IFT74: variants seen among roughly 807,000 people sequenced by gnomAD.
IFT74 encodes intraflagellar transport 74.
In IFT74, 92 loss-of-function variants were observed where a neutral mutation model predicts 96.7. The observed-to-expected ratio is 0.95, with a 90% CI of 0.80 to 1.13. IFT74 has a LOEUF of 1.13. IFT74 is among the 50% of genes most tolerant of loss of function. The pLI is 0.00. For synonymous variants in IFT74, 223 were observed against 213.2 expected, an observed-to-expected ratio of 1.05 and a Z score of -0.40; for missense variants, 811 against 698.2, an observed-to-expected ratio of 1.16 and a Z score of -1.82.
At chr9:27,056,897 T>TAGATAGAC in intron 18 of IFT74, among the ~76,000 whole-genome samples, 1 of 152,160 alleles carries the variant, frequency 6.6e-6, no homozygotes, top group South Asian at 2.1e-4. Context: ...GATAGATAGA[T>TAGATAGAC]AGATAGATAT....
Position 27,056,362 on chromosome 9 carries a change from C to A in IFT74, c.1526C>A (p.Ser509Ter), listed in dbSNP as rs752485664. 6.3e-7 allele frequency: 1 copy of A among 1,587,996 alleles called. No individual in the cohort carries two copies. The highest frequency in any genetic ancestry group is 8.6e-7 in the Non-Finnish European group (1 of 1,162,472). ...KKLHQERMIL[S>*]THRNAFKKIM... Reference sequence around the variant, plus strand: ...TTACATCAGGAGAGAATGATATTATCAACCCACAGAAATGCCTTTAAGAAA... The same window carrying A: ...TTACATCAGGAGAGAATGATATTATAAACCCACAGAAATGCCTTTAAGAAA... Residue 509 changes from serine (S) to a stop codon, truncating the protein, a stop_gained, in exon 18 of 20, where the codon TCA becomes TAA. Coordinates refer to ENST00000380062, the MANE Select transcript of IFT74 (RefSeq NM_025103.4). LOFTEE classifies it high-confidence loss of function.
intron 2 of IFT74, among the ~76,000 whole-genome samples, chr9:26,965,645 A>C (rs1826576427): frequency 6.6e-6 from 1 of 152,066 alleles, no homozygotes. Flanking sequence ...AAAATTTTAA[A>C]ATTTGTATGT....
At chr9:27,050,674 G>A (rs1442137119) in intron 16 of IFT74, among the ~76,000 whole-genome samples, 17 of 141,752 alleles carry the variant, frequency 1.2e-4, no homozygotes, top group Non-Finnish European at 1.5e-5. Flanking sequence ...TTTTGGGTGG[G>A]AATTGAACAA....
intron 18 of IFT74, among the ~76,000 whole-genome samples, chr9:27,056,912 A>C (rs896013508): frequency 2.0e-5 from 3 of 150,714 alleles, no homozygotes; most frequent in Non-Finnish European, 4.4e-5. Flanking sequence ...AGATATGTGT[A>C]TACACATATT....
intron 13 of IFT74, among the ~76,000 whole-genome samples, chr9:27,040,270 G>A (rs1819403519): frequency 6.6e-6 from 1 of 152,126 alleles, no homozygotes; most frequent in South Asian, 2.1e-4. Context: ...AGATATTGAG[G>A]CCAGGTGCAG....
chr9:27,046,301 TA>T (rs1348444803), intron 14 of IFT74, among the ~76,000 whole-genome samples: 3 of 152,172 alleles, frequency 2.0e-5, no homozygotes, highest in Non-Finnish European at 4.4e-5. Context: ...CATATTCAAA[TA>T]AAAAATGTTT....
intron 18 of IFT74, among the ~76,000 whole-genome samples, chr9:27,058,093 CTTTT>C (rs952005404): frequency 8.3e-5 from 12 of 143,908 alleles, no homozygotes; most frequent in African/African-American, 3.0e-4. Flanking sequence ...TTTCAGCCTT[CTTTT>C]TTTTTTTTTC....
intron 13 of IFT74, among the ~76,000 whole-genome samples, chr9:27,035,997 C>T (rs1819162086): frequency 6.6e-6 from 1 of 152,164 alleles, no homozygotes; most frequent in Admixed American, 6.5e-5. Context: ...GGCTGGAAGC[C>T]TTACCAATAA....
intron 10 of IFT74, among the ~76,000 whole-genome samples, chr9:27,016,650 G>T (rs1256251922): frequency 6.6e-6 from 1 of 152,068 alleles, no homozygotes; most frequent in Non-Finnish European, 1.5e-5. Context: ...ACTTATTCAG[G>T]TCTTATATGT....
Position 26,961,935 on chromosome 9 carries a change from T to C in IFT74, c.-19-14T>C. On this transcript the variant is annotated splice_polypyrimidine_tract_variant and intron_variant, in intron 1 of 19. Transcript: ENST00000380062. ...AGACATCAAAGGATTGAACTATTTA[T>C]TGTTTCCAAACAGCGATTAAAGTGA... is the stretch of plus-strand genomic sequence containing the variant. 1 of 1,613,780 alleles carries C rather than the reference T, an allele frequency of 6.2e-7. No homozygotes were observed. The highest frequency in any genetic ancestry group is 8.5e-7 in the Non-Finnish European group (1 of 1,179,710).
chr9:26,999,013 A>G (rs62542667), intron 8 of IFT74, among the ~76,000 whole-genome samples: 1 of 152,060 alleles, frequency 6.6e-6, no homozygotes, highest in Non-Finnish European at 1.5e-5. Flanking sequence ...CAATCAATCA[A>G]TCAGTCTGAA....
intron 14 of IFT74, among the ~76,000 whole-genome samples, chr9:27,045,401 T>C (rs960896549): frequency 6.6e-6 from 1 of 152,212 alleles, no homozygotes; most frequent in African/African-American, 2.4e-5. Context: ...CATTTATTGA[T>C]TGAATGTTCT....
chr9:26,976,112 C>G (rs956006323), intron 2 of IFT74, among the ~76,000 whole-genome samples: 2 of 152,176 alleles, frequency 1.3e-5, no homozygotes, highest in African/African-American at 4.8e-5. Flanking sequence ...TCTCCTTTCC[C>G]CATTGCTGAG....
upstream of IFT74, among the ~76,000 whole-genome samples, chr9:26,953,276 A>G (rs998749405): frequency 3.9e-5 from 6 of 152,328 alleles, no homozygotes; most frequent in East Asian, 5.8e-4. Flanking sequence ...CAATATCAGT[A>G]TACAAGGAGC....
intron 8 of IFT74, chr9:26,993,153 A>G (rs1055454194): frequency 3.3e-5 from 5 of 152,172 alleles, no homozygotes; most frequent in African/African-American, 9.6e-5. Context: ...TTCTTTGTGT[A>G]GTCAGATATT....
chr9:26,988,834 G>A, intron 7 of IFT74, 106 bp downstream of exon 7: 1 of 1,037,798 alleles, frequency 9.6e-7, no homozygotes, highest in Non-Finnish European at 1.3e-6. Context: ...CTATAGAGGT[G>A]AATATTACTC....
At chr9:27,035,014 A>G (rs1049446507) in intron 13 of IFT74, among the ~76,000 whole-genome samples, 1 of 152,232 alleles carries the variant, frequency 6.6e-6, no homozygotes, top group Non-Finnish European at 1.5e-5. Flanking sequence ...ATTAGATTAG[A>G]TAATTAAATA....
At chr9:27,033,507 C>G (rs540006306) in intron 13 of IFT74, among the ~76,000 whole-genome samples, 1 of 148,190 alleles carries the variant, frequency 6.7e-6, no homozygotes, top group African/African-American at 2.5e-5. Flanking sequence ...TGCAGTAAGC[C>G]GAAATCACTC....
chr9:26,952,386 C>T (rs1825962184), upstream of IFT74, among the ~76,000 whole-genome samples: 1 of 151,460 alleles, frequency 6.6e-6, no homozygotes, highest in South Asian at 2.1e-4. Flanking sequence ...AAGCAATTCT[C>T]CTGCTTCAGC....
Sources: gnomAD v4.1 joint callset for allele counts (sites outside exome capture counted in the v4.1 genomes callset) on GRCh38, gnomAD v4.1.1 for gene constraint, MANE v1.5 for transcripts, NCBI Gene and HGNC (gene_info 2026-07-23, HGNC 2026-07-21) for gene names.